PACRG: variants seen among roughly 807,000 people sequenced by gnomAD.
The protein encoded by PACRG is parkin coregulated gene protein.
In PACRG, 29 loss-of-function variants were observed where a neutral mutation model predicts 29.7. The ratio of observed to expected loss-of-function variants is 0.98; its 90% confidence interval spans 0.73 to 1.33. PACRG has a LOEUF of 1.33. Among genes scored for constraint, PACRG ranks in the 40% most tolerant of loss-of-function variants. The probability of loss-of-function intolerance (pLI) is 0.00; values close to 1 mark genes in which losing one functional copy is unlikely to be tolerated. For synonymous variants in PACRG, 116 were observed against 118.7 expected (o/e 0.98, Z 0.15); for missense variants, 279 against 316.2 (o/e 0.88, Z 0.89).
At position 163,002,188 on chromosome 6, in the gene PACRG, C is replaced by T. The variant is rs1445026495; in HGVS notation, c.292-59962C>T. Among the ~76,000 whole-genome samples the T allele has an allele frequency of 2.0e-5, 3 of 152,288 alleles. 1 individual carries two copies. Among genetic ancestry groups the T allele is most frequent in the Admixed American group, 2.0e-4 (3 of 15,298 alleles). On this transcript the variant is annotated intron_variant, in intron 2 of 4. Coordinates refer to ENST00000366888, the MANE Select transcript of PACRG (RefSeq NM_001080379.2). ...GTTACTTAGGTTGATCTATATAACACATTCTAGGCCTCTCTAGTTGACAGC... is the reference window on the plus strand; with the variant it reads ...GTTACTTAGGTTGATCTATATAACATATTCTAGGCCTCTCTAGTTGACAGC...
At chr6:162,766,500 A>G (rs761384963) in intron 1 of PACRG, among the ~76,000 whole-genome samples, 1 of 152,166 alleles carries the variant, frequency 6.6e-6, no homozygotes, top group Non-Finnish European at 1.5e-5. Context: ...CTTGTGAATA[A>G]TTCTGCAATG....
At chr6:162,895,346 A>G (rs914572749) in intron 2 of PACRG, among the ~76,000 whole-genome samples, 9 of 152,126 alleles carry the variant, frequency 5.9e-5, no homozygotes, top group African/African-American at 2.2e-4. Context: ...TAATAATAAA[A>G]GCAAAATATT....
At chr6:162,816,878 T>C (rs1787398552) in intron 2 of PACRG, among the ~76,000 whole-genome samples, 2 of 152,188 alleles carry the variant, frequency 1.3e-5, no homozygotes, top group African/African-American at 4.8e-5. Flanking sequence ...TCTTCTCTTG[T>C]GTGTGGGCAG....
rs554928450 is a variant in PACRG at position 163,100,157 on chromosome 6, C to G, written c.613+10749C>G. Among the ~76,000 whole-genome samples, 23 of 152,196 alleles carry G rather than the reference C, an allele frequency of 1.5e-4. 1 individual carries two copies. The East Asian group carries it at 4.3e-3, about 28-fold the overall frequency. ...AGGCGGCTACGGCTCGGCCCGAACCCACCACGGCCTCCCCTGCAGGGACCT... is the reference window on the plus strand; with the variant it reads ...AGGCGGCTACGGCTCGGCCCGAACCGACCACGGCCTCCCCTGCAGGGACCT... On this transcript the variant is annotated intron_variant, in intron 4 of 4. Transcript: ENST00000366888.
chr6:163,296,122 C>T (rs780416908), intron 4 of PACRG, among the ~76,000 whole-genome samples: 4 of 152,156 alleles, frequency 2.6e-5, no homozygotes, highest in Non-Finnish European at 5.9e-5. Flanking sequence ...ATATAGGCCC[C>T]CAAAGTCTAT....
intron 4 of PACRG, among the ~76,000 whole-genome samples, chr6:163,133,142 G>T (rs1816801213): frequency 6.6e-6 from 1 of 152,212 alleles, no homozygotes. Flanking sequence ...CCATGCAGTT[G>T]TAGGGACATG....
rs9356101 is a variant in PACRG, at chr6:163,210,077, C to T, written c.614-104750C>T. 1.2e-3 allele frequency among the ~76,000 whole-genome samples: 188 copies of T among 152,234 alleles called. 4 individuals carry two copies. In the East Asian group the frequency reaches 0.031, roughly 25 times the overall value. On this transcript the variant is annotated intron_variant, in intron 4 of 4. Coordinates refer to ENST00000366888, the MANE Select transcript of PACRG (RefSeq NM_001080379.2). Reference sequence around the variant, plus strand: ...TGTCTCCATGAGGACCATTGTCACCCGTCATGCTCATGAGAGTCACGGCCT... The same window carrying T: ...TGTCTCCATGAGGACCATTGTCACCTGTCATGCTCATGAGAGTCACGGCCT...
intron 2 of PACRG, among the ~76,000 whole-genome samples, chr6:163,010,929 C>T (rs972303908): frequency 7.2e-5 from 11 of 152,310 alleles, no homozygotes; most frequent in Middle Eastern, 3.4e-3. Flanking sequence ...GTTGCTGAGC[C>T]GGGTCCGGGC....
intron 4 of PACRG, chr6:163,095,457 G>A (rs1430733473): frequency 1.5e-5 from 15 of 975,296 alleles, no homozygotes; most frequent in South Asian, 1.4e-4. Context: ...CTGGAGCCAC[G>A]TAACAAATTA....
rs112419082 is a variant in PACRG at position 162,853,017 on chromosome 6, G to A, written c.291+38736G>A. On this transcript the variant is annotated intron_variant, in intron 2 of 4. Transcript: ENST00000366888. The surrounding 1 kb of genome is among the most constrained non-coding windows in gnomAD (Gnocchi z 4.7). ...GATTTCAAACGGAGCCTGTGGCCTG[G>A]TGACCTGGGGCCTTGCAGCCAGAGA... Among the ~76,000 whole-genome samples, 698 of 152,286 alleles carry A rather than the reference G, an allele frequency of 4.6e-3. 5 individuals are homozygous for A. The highest frequency in any genetic ancestry group is 0.016 in the African/African-American group (650 of 41,544).
chr6:163,098,134 G>A (rs980475462), intron 4 of PACRG, among the ~76,000 whole-genome samples: 18 of 152,298 alleles, frequency 1.2e-4, no homozygotes, highest in Admixed American at 7.2e-4. Context: ...GGTTTGTGGG[G>A]TGTGACTCCC....
In PACRG at chr6:163,315,018, C is replaced by T. The variant is rs774692295; in HGVS notation, c.*31C>T. The T allele has an allele frequency of 1.1e-5, 18 of 1,604,078 alleles. No homozygotes were observed. Among genetic ancestry groups the T allele is most frequent in the African/African-American group, 4.0e-5 (3 of 74,848 alleles). Reference sequence around the variant, plus strand: ...GCAGCAGCTGGGACTTGAAACCTCCCGTTGGTGTTGGGATCATCTGTCTCT... The same window carrying T: ...GCAGCAGCTGGGACTTGAAACCTCCTGTTGGTGTTGGGATCATCTGTCTCT... On this transcript the variant is annotated 3_prime_UTR_variant, in exon 5 of 5. Transcript: ENST00000366888.
At chr6:163,039,793 T>C (rs190552393) in intron 2 of PACRG, among the ~76,000 whole-genome samples, 32 of 152,268 alleles carry the variant, frequency 2.1e-4, no homozygotes, top group Admixed American at 1.8e-3. Flanking sequence ...AAGCATTCAG[T>C]TATATGTGTT....
intron 2 of PACRG, among the ~76,000 whole-genome samples, chr6:162,966,938 C>A (rs1228274418): frequency 1.3e-5 from 2 of 152,114 alleles, no homozygotes; most frequent in East Asian, 1.9e-4. Context: ...GTAATTACAT[C>A]AAAATTATAT....
chr6:162,940,434 C>T (rs1262008033), intron 2 of PACRG, among the ~76,000 whole-genome samples: 3 of 152,090 alleles, frequency 2.0e-5, no homozygotes, highest in African/African-American at 7.2e-5. Flanking sequence ...CTCTCTCTGT[C>T]TGTCTGTCTG....
intron 1 of PACRG, among the ~76,000 whole-genome samples, chr6:162,768,956 C>T (rs1562578188): frequency 6.6e-6 from 1 of 152,138 alleles, no homozygotes; most frequent in Non-Finnish European, 1.5e-5. Flanking sequence ...GTTTGTATAG[C>T]ACTCTGTGCT....
In PACRG at chr6:162,796,690, A is replaced by G. The variant is rs193033890; in HGVS notation, c.157-17457A>G. 6.6e-5 allele frequency among the ~76,000 whole-genome samples: 10 copies of G among 151,824 alleles called. No homozygotes were observed. In the East Asian group the frequency reaches 1.7e-3, roughly 27 times the overall value. Reference sequence around the variant, plus strand: ...CTCTAAATCCTGTCCTTTGCCTCCCAATGATAATAGATGAAGCAAAAAAAA... The same window carrying G: ...CTCTAAATCCTGTCCTTTGCCTCCCGATGATAATAGATGAAGCAAAAAAAA... On this transcript the variant is annotated intron_variant, in intron 1 of 4. Coordinates refer to ENST00000366888, the MANE Select transcript of PACRG (RefSeq NM_001080379.2).
chr6:163,196,788 CAGAA>C (rs932392034), intron 4 of PACRG, among the ~76,000 whole-genome samples: 204 of 152,030 alleles, frequency 1.3e-3, no homozygotes, highest in African/African-American at 4.4e-3. Context: ...GACAGACAGA[CAGAA>C]AGACTAGACA....
intron 2 of PACRG, among the ~76,000 whole-genome samples, chr6:163,047,835 T>C (rs1202613500): frequency 6.6e-6 from 1 of 152,190 alleles, no homozygotes; most frequent in Non-Finnish European, 1.5e-5. Flanking sequence ...TATGCATTTA[T>C]TCATAAAAAA....
Sources: allele counts gnomAD v4.1 joint callset (sites outside exome capture counted in the v4.1 genomes callset), GRCh38; gene constraint gnomAD v4.1.1; non-coding constraint Gnocchi (gnomAD v3.1); transcripts MANE v1.5; gene names NCBI Gene and HGNC (gene_info 2026-07-23, HGNC 2026-07-21).